The following PIK3C2G variants were observed in gnomAD, a reference collection of about 807,000 sequenced individuals.
PIK3C2G encodes phosphatidylinositol-4-phosphate 3-kinase catalytic subunit type 2 gamma.
A neutral mutation model predicts 181.1 loss-of-function variants in PIK3C2G; 168 were observed. The ratio of observed to expected loss-of-function variants is 0.93; its 90% CI spans 0.82 to 1.05. The LOEUF (loss-of-function observed/expected upper bound fraction) is 1.05, where lower values mean the gene tolerates loss of function less well. PIK3C2G is among the 50% of genes least tolerant of loss of function. The pLI, the probability that PIK3C2G is intolerant of heterozygous loss-of-function variation, is 0.00. For missense variants in PIK3C2G, 1,869 were observed against 1,732.8 expected, an observed-to-expected ratio of 1.08 and a Z score of -1.40; for synonymous variants, 573 against 592.2, an observed-to-expected ratio of 0.97 and a Z score of 0.47.
At chr12:18,664,344 T>C in the PIK3C2G span, among the ~76,000 whole-genome samples, 1 of 152,200 alleles carries the variant, frequency 6.6e-6, no homozygotes, top group Admixed American at 6.5e-5. Flanking sequence ...GCAGCATTGT[T>C]CTCAATAGCT....
chr12:18,468,458 G>A (rs565116695), intron 18 of PIK3C2G, among the ~76,000 whole-genome samples: 4 of 152,086 alleles, frequency 2.6e-5, no homozygotes, highest in South Asian at 2.1e-4. Flanking sequence ...TCTTGCCTAC[G>A]GAATCATCTT....
chr12:18,301,969 G>A (rs1041990656), intron 5 of PIK3C2G, among the ~76,000 whole-genome samples: 18 of 152,158 alleles, frequency 1.2e-4, no homozygotes, highest in African/African-American at 4.1e-4. Flanking sequence ...TCCTTTAGCT[G>A]TAATCAGCAT....
intron 1 of PIK3C2G, among the ~76,000 whole-genome samples, chr12:18,280,003 A>G (rs2137109247): frequency 6.6e-6 from 1 of 152,152 alleles, no homozygotes; most frequent in African/African-American, 2.4e-5. Flanking sequence ...TTGCATTGCA[A>G]CAAAAGATTG....
At chr12:18,478,700 G>A (rs1329955862) in intron 18 of PIK3C2G, among the ~76,000 whole-genome samples, 1 of 152,102 alleles carries the variant, frequency 6.6e-6, no homozygotes, top group African/African-American at 2.4e-5. Context: ...ATTTAAGGCT[G>A]GGCATGGTGG....
intron 29 of PIK3C2G, among the ~76,000 whole-genome samples, chr12:18,592,540 C>G (rs1947139555): frequency 6.6e-6 from 1 of 151,756 alleles, no homozygotes; most frequent in African/African-American, 2.4e-5. Flanking sequence ...TGGCAGAAAC[C>G]TGAATGTAGT....
At position 18,359,833 on chromosome 12, in the gene PIK3C2G, T is replaced by C. The variant is rs553104938; in HGVS notation, c.1626-2931T>C. 4.8e-4 allele frequency among the ~76,000 whole-genome samples: 73 copies of C among 152,312 alleles called. 1 individual carries two copies. In the South Asian group the frequency reaches 5.2e-3, roughly 11 times the overall value. ...TTTATCCTTTCATTTTTGGCCTATT[T>C]GTGTCCTTAAATCTACATTGAGTCT... On this transcript the variant is annotated intron_variant, in intron 11 of 32. Coordinates refer to ENST00000538779, the MANE Select transcript of PIK3C2G (RefSeq NM_001288772.2).
At chr12:18,428,929 C>G (rs1945994926) in intron 18 of PIK3C2G, among the ~76,000 whole-genome samples, 1 of 152,124 alleles carries the variant, frequency 6.6e-6, no homozygotes, top group Admixed American at 6.5e-5. Flanking sequence ...GTGCCCCTTT[C>G]CATTTGGAAT....
At chr12:18,352,095 G>A (rs1940273321) in intron 11 of PIK3C2G, among the ~76,000 whole-genome samples, 1 of 152,096 alleles carries the variant, frequency 6.6e-6, no homozygotes, top group Admixed American at 6.5e-5. Flanking sequence ...TTGAATCTGT[G>A]GATGCATAAC....
intron 1 of PIK3C2G, among the ~76,000 whole-genome samples, chr12:18,270,161 C>G (rs758573134): frequency 6.6e-6 from 1 of 152,074 alleles, no homozygotes; most frequent in Admixed American, 6.5e-5. Context: ...CCACCCACCT[C>G]AGCCTCCCAA....
downstream of PIK3C2G, among the ~76,000 whole-genome samples, chr12:18,649,577 T>A (rs1053201999): frequency 6.6e-6 from 1 of 152,110 alleles, no homozygotes; most frequent in African/African-American, 2.4e-5. Flanking sequence ...GCAGCAAAAC[T>A]CTTCAAAATG....
At chr12:18,681,462 A>G in the PIK3C2G span, among the ~76,000 whole-genome samples, 1 of 152,028 alleles carries the variant, frequency 6.6e-6, no homozygotes, top group Non-Finnish European at 1.5e-5. Flanking sequence ...TCTTCTCACA[A>G]CATTCCCAAC....
In PIK3C2G at chr12:18,371,214, A is replaced by T. The variant is rs1300305026; in HGVS notation, c.1783A>T (p.Arg595Trp). The stretch of plus-strand genomic sequence containing the variant: ...TCCCCTTGAAATAAAGTCACTTCCA[A>T]GGGAATCCATGCTCACTGTAAAACT... Reference protein sequence around the residue: ...NFPLEIKSLPRESMLTVKLFG... With the variant: ...NFPLEIKSLPWESMLTVKLFG... The change falls in exon 13 of 33, where the codon AGG becomes TGG. Residue 595 changes from arginine to tryptophan, a missense_variant. Coordinates refer to ENST00000538779, the MANE Select transcript of PIK3C2G (RefSeq NM_001288772.2). 3.1e-6 allele frequency: 5 copies of T among 1,611,600 alleles called. No individual in the cohort carries two copies. The South Asian group carries it at 4.4e-5, about 14-fold the overall frequency.
rs180804617 is a variant in PIK3C2G, at chr12:18,268,936, A to T, written c.-79+7359A>T. On this transcript the variant is annotated intron_variant, in intron 1 of 32. Coordinates refer to ENST00000538779, the MANE Select transcript of PIK3C2G (RefSeq NM_001288772.2). ...TTAGATTTCTTTCTTTTTTTTTTTA[A>T]ACGAGTCTCACTCTGTCACTCAGGC... 2.0e-5 allele frequency among the ~76,000 whole-genome samples: 3 copies of T among 151,748 alleles called. No homozygotes were observed. In the East Asian group the frequency reaches 5.8e-4, roughly 29 times the overall value.
At chr12:18,243,254 A>G (rs996830028), upstream of PIK3C2G, among the ~76,000 whole-genome samples, 12 of 151,672 alleles carry the variant, frequency 7.9e-5, no homozygotes, top group African/African-American at 2.4e-4. Flanking sequence ...ATTTTCCTAG[A>G]TAACAAATTG....
intron 6 of PIK3C2G, among the ~76,000 whole-genome samples, chr12:18,317,939 A>G (rs1334344346): frequency 6.6e-6 from 1 of 152,258 alleles, no homozygotes; most frequent in Non-Finnish European, 1.5e-5. Flanking sequence ...TGCACTTAGT[A>G]TGACTACCTA....
the PIK3C2G span, among the ~76,000 whole-genome samples, chr12:18,660,437 T>C: frequency 6.6e-6 from 1 of 152,012 alleles, no homozygotes; most frequent in Admixed American, 6.6e-5. Context: ...TCCAGGGGGG[T>C]TTAAAGGGCC....
chr12:18,282,801 G>A, intron 2 of PIK3C2G, 42 bp downstream of exon 2: 1 of 1,276,616 alleles, frequency 7.8e-7, no homozygotes, highest in Non-Finnish European at 1.1e-6. Flanking sequence ...GAATCTGAAA[G>A]AATCATTCAA....
At chr12:18,657,415 A>G in the PIK3C2G span, among the ~76,000 whole-genome samples, 3 of 152,054 alleles carry the variant, frequency 2.0e-5, no homozygotes, top group Non-Finnish European at 4.4e-5. Flanking sequence ...GGCTCTATGA[A>G]AGCACAAATG....
intron 8 of PIK3C2G, among the ~76,000 whole-genome samples, chr12:18,337,997 T>C (rs182117883): frequency 6.6e-6 from 1 of 152,276 alleles, no homozygotes; most frequent in Admixed American, 6.5e-5. Flanking sequence ...ATTTTGAAAC[T>C]CTCCTGGGGT....
Sources: allele counts gnomAD v4.1 joint callset (sites outside exome capture counted in the v4.1 genomes callset), GRCh38; gene constraint gnomAD v4.1.1; transcripts MANE v1.5; gene names NCBI Gene and HGNC (gene_info 2026-07-23, HGNC 2026-07-21).